EXOC2: variants seen among roughly 807,000 people sequenced by gnomAD.
The protein encoded by EXOC2 is exocyst complex component 2.
In EXOC2, 70 loss-of-function variants were observed where a neutral mutation model predicts 131.8. The ratio of observed to expected loss-of-function variants is 0.53; its 90% confidence interval spans 0.44 to 0.65. The LOEUF is 0.65. Ranked by LOEUF, EXOC2 falls within the 30% of genes least tolerant of loss-of-function variation. The probability of loss-of-function intolerance (pLI) is 0.00; values close to 1 mark genes in which losing one functional copy is unlikely to be tolerated. For missense variants in EXOC2, 923 were observed against 1,108.6 expected, an observed-to-expected ratio of 0.83 and a Z score of 2.38; for synonymous variants, 411 against 398.4, an observed-to-expected ratio of 1.03 and a Z score of -0.38.
At position 548,078 on chromosome 6, in the gene EXOC2, AG is replaced by A. The variant is rs576194775; in HGVS notation, c.2238+1096del. Among the ~76,000 whole-genome samples the A allele has an allele frequency of 2.0e-5, 3 of 152,362 alleles. No homozygotes were observed. The East Asian group carries it at 5.8e-4, about 29-fold the overall frequency. ...AACAAAGCAACCACCTTCTACAAAT[AG>A]CCACTTTTTTACTGCAAGATAGCAC... is the stretch of plus-strand genomic sequence containing the variant. On this transcript the variant is annotated intron_variant, in intron 22 of 27. Coordinates refer to ENST00000230449, the MANE Select transcript of EXOC2 (RefSeq NM_018303.6).
intron 23 of EXOC2, among the ~76,000 whole-genome samples, chr6:514,123 A>G (rs1480806639): frequency 6.6e-6 from 1 of 152,190 alleles, no homozygotes; most frequent in East Asian, 1.9e-4. Flanking sequence ...CTTGGCTGTA[A>G]AAGAAAGGGG....
At chr6:534,382 TAC>T (rs1328579417) in intron 22 of EXOC2, among the ~76,000 whole-genome samples, 2 of 152,108 alleles carry the variant, frequency 1.3e-5, no homozygotes, top group South Asian at 4.1e-4. Flanking sequence ...TCTAGGCAAC[TAC>T]TGTTAAAGTT....
intron 1 of EXOC2, among the ~76,000 whole-genome samples, chr6:665,269 A>G (rs1561990817): frequency 6.6e-6 from 1 of 152,222 alleles, no homozygotes; most frequent in Non-Finnish European, 1.5e-5. Flanking sequence ...CCATAATCGA[A>G]AAATCAAAAA....
intron 22 of EXOC2, among the ~76,000 whole-genome samples, chr6:547,971 A>C (rs1756951108): frequency 6.6e-6 from 1 of 152,226 alleles, no homozygotes; most frequent in South Asian, 2.1e-4. Flanking sequence ...TTTTACATGC[A>C]ATTCCTAATC....
At chr6:489,966 C>T (rs576579727) in intron 26 of EXOC2, among the ~76,000 whole-genome samples, 78 of 152,310 alleles carry the variant, frequency 5.1e-4, no homozygotes, top group African/African-American at 1.0e-3. Flanking sequence ...GGGTGTGGGA[C>T]GGGTGGCTTG....
chr6:520,730 G>A (rs372996303), intron 23 of EXOC2, among the ~76,000 whole-genome samples: 1 of 33,850 alleles, frequency 3.0e-5, no homozygotes, highest in Non-Finnish European at 5.3e-5. Flanking sequence ...AACCACGCAC[G>A]GAGCGCCGAC....
chr6:632,359 G>A (rs528906782), intron 3 of EXOC2, among the ~76,000 whole-genome samples: 2 of 152,084 alleles, frequency 1.3e-5, no homozygotes, highest in East Asian at 1.9e-4. Flanking sequence ...AGTTCCTAAC[G>A]CTGCTAACGT....
intron 1 of EXOC2, among the ~76,000 whole-genome samples, chr6:644,179 C>G (rs1355333654): frequency 6.6e-6 from 1 of 152,054 alleles, no homozygotes; most frequent in East Asian, 1.9e-4. Context: ...TTATTCCAAC[C>G]AAGCAAGGCC....
intron 20 of EXOC2, among the ~76,000 whole-genome samples, 181 bp downstream of exon 20, chr6:555,046 G>A (rs2127573664): frequency 6.6e-6 from 1 of 152,208 alleles, no homozygotes; most frequent in South Asian, 2.1e-4. Context: ...AGGCAAAGAT[G>A]AGTTGAAAAG....
intron 1 of EXOC2, among the ~76,000 whole-genome samples, chr6:643,848 G>A (rs1031899981): frequency 1.3e-5 from 2 of 152,000 alleles, no homozygotes; most frequent in East Asian, 1.9e-4. Flanking sequence ...TAATGAAAGA[G>A]GGAATAACCA....
At chr6:588,356 T>C (rs1161567333) in intron 11 of EXOC2, among the ~76,000 whole-genome samples, 1 of 152,222 alleles carries the variant, frequency 6.6e-6, no homozygotes, top group Non-Finnish European at 1.5e-5. Context: ...GTTTCCACTT[T>C]TTTATTTTTT....
At position 500,188 on chromosome 6, in the gene EXOC2, A is replaced by G. The variant is rs1387334313; in HGVS notation, c.2381-488T>C. Among the ~76,000 whole-genome samples, 4 of 152,356 alleles carry G rather than the reference A, an allele frequency of 2.6e-5. No individual in the cohort carries two copies. In the East Asian group the frequency reaches 7.7e-4, roughly 29 times the overall value. ...ATAAAATGCACATTAAATATCAATT[A>G]TAGCATCTTACTACCAAAGGTGAAA... On this transcript the variant is annotated intron_variant, in intron 23 of 27. Transcript: ENST00000230449.
chr6:603,468 G>C (rs770699125), intron 7 of EXOC2, among the ~76,000 whole-genome samples: 2 of 152,164 alleles, frequency 1.3e-5, no homozygotes, highest in Admixed American at 1.3e-4. Context: ...AAGAGCTGAC[G>C]TCAGCACGTA....
chr6:555,378 T>A, intron 19 of EXOC2, 90 bp from the exon 20 acceptor site: 1 of 734,642 alleles, frequency 1.4e-6, no homozygotes, highest in Non-Finnish European at 2.2e-6. Flanking sequence ...TTACATAAAG[T>A]AGAATTATAT....
intron 12 of EXOC2, among the ~76,000 whole-genome samples, chr6:574,393 AAACAAAACGAT>A (rs1758466232): frequency 1.3e-5 from 2 of 152,196 alleles, no homozygotes; most frequent in Non-Finnish European, 2.9e-5. Context: ...AGAAAACCCA[AAACAAAACGAT>A]AAACACTCAG....
chr6:522,984 G>C (rs978041827), intron 23 of EXOC2, among the ~76,000 whole-genome samples: 1 of 152,212 alleles, frequency 6.6e-6, no homozygotes, highest in African/African-American at 2.4e-5. Context: ...TGGCTGTGAG[G>C]AAAGAAGAAA....
At chr6:653,416 TA>T (rs1212030690) in intron 1 of EXOC2, among the ~76,000 whole-genome samples, 1 of 152,204 alleles carries the variant, frequency 6.6e-6, no homozygotes, top group Admixed American at 6.5e-5. Flanking sequence ...ACACGAATGA[TA>T]ACAAACTAAA....
At chr6:528,421 T>G (rs1287581875) in intron 23 of EXOC2, among the ~76,000 whole-genome samples, 1 of 152,222 alleles carries the variant, frequency 6.6e-6, no homozygotes, top group Non-Finnish European at 1.5e-5. Context: ...GGTCTCAACT[T>G]AAGTCAGCTT....
At chr6:545,217 T>C (rs1269961257) in intron 22 of EXOC2, among the ~76,000 whole-genome samples, 3 of 151,096 alleles carry the variant, frequency 2.0e-5, no homozygotes, top group African/African-American at 7.3e-5. Context: ...GTTTAATGTC[T>C]ACAGGCTTCG....
Sources: gnomAD v4.1 joint callset for allele counts (sites outside exome capture counted in the v4.1 genomes callset) on GRCh38, gnomAD v4.1.1 for gene constraint, MANE v1.5 for transcripts, NCBI Gene and HGNC (gene_info 2026-07-23, HGNC 2026-07-21) for gene names.